Variants in SOX6 observed in about 807,000 individuals in gnomAD.
SOX6 encodes the protein transcription factor SOX-6.
In SOX6, 11 loss-of-function variants were observed where a neutral mutation model predicts 97.8. That is an observed-to-expected ratio of 0.11 (90% CI 0.07 to 0.19). The LOEUF is 0.19. SOX6 is among the 10% of genes least tolerant of loss of function. The pLI, the probability that SOX6 is intolerant of heterozygous loss-of-function variation, is 1.00. For synonymous variants in SOX6, 360 were observed against 371.4 expected, an observed-to-expected ratio of 0.97 and a Z score of 0.35; for missense variants, 810 against 1,039.5, an observed-to-expected ratio of 0.78 and a Z score of 3.04.
intron 1 of SOX6, among the ~76,000 whole-genome samples, chr11:16,364,085 A>G (rs1857282825): frequency 6.6e-6 from 1 of 152,138 alleles, no homozygotes; most frequent in South Asian, 2.1e-4. Context: ...ATATTACCCA[A>G]CAAATTAACT....
chr11:16,187,073 A>G, intron 4 of SOX6, 118 bp from the exon 5 acceptor site: 1 of 1,098,258 alleles, frequency 9.1e-7, no homozygotes. Flanking sequence ...TGGGACAATG[A>G]CTGGAGGCCA....
At chr11:16,549,107 T>C (rs1164886623) in intron 4 of SOX6, among the ~76,000 whole-genome samples, 2 of 152,076 alleles carry the variant, frequency 1.3e-5, no homozygotes, top group African/African-American at 2.4e-5. Context: ...ATTTAGTCAT[T>C]AGGGAAAAGC....
intron 2 of SOX6, among the ~76,000 whole-genome samples, chr11:16,322,492 C>T (rs553977872): frequency 6.6e-6 from 1 of 152,096 alleles, no homozygotes; most frequent in African/African-American, 2.4e-5. Flanking sequence ...TATAAATTAC[C>T]CAGTCTCAGG....
At chr11:16,545,048 C>T (rs1275472522) in intron 4 of SOX6, among the ~76,000 whole-genome samples, 1 of 151,722 alleles carries the variant, frequency 6.6e-6, no homozygotes, top group Non-Finnish European at 1.5e-5. Flanking sequence ...GAGAGCAAGA[C>T]CCCATATCAT....
At chr11:16,357,646 G>A (rs749113012), upstream of SOX6, among the ~76,000 whole-genome samples, 1 of 152,102 alleles carries the variant, frequency 6.6e-6, no homozygotes, top group African/African-American at 2.4e-5. Context: ...AAACTACTTG[G>A]TTTTTGCTAC....
At chr11:16,167,583 CTAAAAT>C (rs1850920444) in intron 6 of SOX6, among the ~76,000 whole-genome samples, 1 of 152,270 alleles carries the variant, frequency 6.6e-6, no homozygotes, top group Admixed American at 6.5e-5. Context: ...CGTTCACTCA[CTAAAAT>C]TACCCCTACC....
intron 9 of SOX6, among the ~76,000 whole-genome samples, chr11:16,060,183 A>C (rs1421057934): frequency 2.0e-5 from 3 of 151,986 alleles, no homozygotes; most frequent in African/African-American, 4.8e-5. Flanking sequence ...AAAAAAGTTG[A>C]CTATGAATCC....
At chr11:16,309,791 C>G (rs1040425292) in intron 3 of SOX6, among the ~76,000 whole-genome samples, 2 of 151,972 alleles carry the variant, frequency 1.3e-5, no homozygotes, top group African/African-American at 4.8e-5. Flanking sequence ...AAAACTGTCC[C>G]CTATTATTTC....
chr11:16,447,967 C>A (rs1859646387), intron 1 of SOX6, among the ~76,000 whole-genome samples: 1 of 152,158 alleles, frequency 6.6e-6, no homozygotes, highest in African/African-American at 2.4e-5. Context: ...TTAAGTAACC[C>A]AGTCATTGCA....
At chr11:16,163,721 T>G (rs1564992456) in intron 6 of SOX6, among the ~76,000 whole-genome samples, 1 of 152,238 alleles carries the variant, frequency 6.6e-6, no homozygotes, top group Non-Finnish European at 1.5e-5. Context: ...TGACGCTACA[T>G]GATTTTGGCT....
chr11:16,435,957 C>T (rs563894010), intron 1 of SOX6, among the ~76,000 whole-genome samples: 1 of 152,278 alleles, frequency 6.6e-6, no homozygotes, highest in South Asian at 2.1e-4. Flanking sequence ...CTACCAGGCT[C>T]CTTTAGAAAG....
chr11:16,275,495 C>T (rs10832581), intron 3 of SOX6, among the ~76,000 whole-genome samples: 6 of 106,222 alleles, frequency 5.6e-5, no homozygotes, highest in African/African-American at 1.6e-4. Context: ...AACAAAAAAA[C>T]ACCTCTTCCT....
At chr11:16,083,217 G>T (rs531892580) in intron 9 of SOX6, among the ~76,000 whole-genome samples, 1 of 152,116 alleles carries the variant, frequency 6.6e-6, no homozygotes, top group Non-Finnish European at 1.5e-5. Flanking sequence ...TAGATTGTGG[G>T]CCCTTCAGGG....
intron 1 of SOX6, among the ~76,000 whole-genome samples, chr11:16,344,272 C>A (rs1856717543): frequency 6.6e-6 from 1 of 151,538 alleles, no homozygotes; most frequent in Middle Eastern, 3.4e-3. Context: ...TTTTGGGTGG[C>A]AGTTTTGAGT....
intron 6 of SOX6, among the ~76,000 whole-genome samples, chr11:16,131,667 A>G (rs761597393): frequency 1.3e-5 from 2 of 152,054 alleles, no homozygotes; most frequent in African/African-American, 2.4e-5. Context: ...GCTGAAATCA[A>G]CTCAATGACC....
chr11:16,727,926 G>C (rs1181877672), intron 2 of SOX6, among the ~76,000 whole-genome samples: 1 of 151,910 alleles, frequency 6.6e-6, no homozygotes, highest in Non-Finnish European at 1.5e-5. Flanking sequence ...ATACCAATTG[G>C]AATATTGCTG....
intron 6 of SOX6, among the ~76,000 whole-genome samples, chr11:16,182,702 C>G (rs1313001931): frequency 6.6e-6 from 1 of 151,784 alleles, no homozygotes; most frequent in Non-Finnish European, 1.5e-5. Context: ...AAAAAGTTGG[C>G]TAAGATCTCC....
At chr11:16,525,670 G>T (rs1400691363) in intron 4 of SOX6, among the ~76,000 whole-genome samples, 19 of 148,154 alleles carry the variant, frequency 1.3e-4, no homozygotes, top group Admixed American at 2.7e-4. Flanking sequence ...CACAGCACAA[G>T]AAACTACCAT....
intron 4 of SOX6, among the ~76,000 whole-genome samples, chr11:16,211,050 A>G (rs951301676): frequency 6.6e-6 from 1 of 152,166 alleles, no homozygotes; most frequent in African/African-American, 2.4e-5. Flanking sequence ...AACAGATGCA[A>G]AAGTCCTAAT....
Sources: allele counts gnomAD v4.1 joint callset (sites outside exome capture counted in the v4.1 genomes callset), GRCh38; gene constraint gnomAD v4.1.1; transcripts MANE v1.5; gene names NCBI Gene and HGNC (gene_info 2026-07-23, HGNC 2026-07-21).